The following NAV2 variants were observed in gnomAD, a reference collection of about 807,000 sequenced individuals.
NAV2 encodes the protein helicase, APC down-regulated 1.
Under a neutral mutation model 223.2 loss-of-function variants are expected in NAV2, and 54 were observed. The ratio of observed to expected loss-of-function variants is 0.24; its 90% CI spans 0.19 to 0.30. The LOEUF (loss-of-function observed/expected upper bound fraction) is 0.30. Ranked by LOEUF, NAV2 falls within the 10% of genes least tolerant of loss-of-function variation. The pLI, the probability that NAV2 is intolerant of heterozygous loss-of-function variation, is 1.00. For synonymous variants in NAV2, 1,279 were observed against 1,239.3 expected (o/e 1.03, Z -0.67); for missense variants, 2,806 against 3,147.5 (o/e 0.89, Z 2.60).
At chr11:19,990,969 C>G (rs960115953) in intron 11 of NAV2, among the ~76,000 whole-genome samples, 4 of 152,084 alleles carry the variant, frequency 2.6e-5, no homozygotes, top group Non-Finnish European at 5.9e-5. Context: ...AATTCCAGTC[C>G]TCACTCTCCA....
At chr11:19,644,297 T>C (rs1457322445) in intron 1 of NAV2, among the ~76,000 whole-genome samples, 1 of 152,260 alleles carries the variant, frequency 6.6e-6, no homozygotes, top group Non-Finnish European at 1.5e-5. Context: ...TCCTTGTGTA[T>C]AGCCCCTCTG....
chr11:19,714,642 C>T, intron 1 of NAV2: 2 of 369,016 alleles, frequency 5.4e-6, no homozygotes, highest in South Asian at 2.0e-5. Context: ...CTCAGAATGG[C>T]GGCCGAAGCT....
At chr11:19,402,562 T>A (rs1215719820) in intron 1 of NAV2, among the ~76,000 whole-genome samples, 1 of 152,206 alleles carries the variant, frequency 6.6e-6, no homozygotes, top group African/African-American at 2.4e-5. Context: ...ATTTTTTCAT[T>A]TATTTGTTTG....
At chr11:19,665,900 T>C (rs540014683) in intron 1 of NAV2, among the ~76,000 whole-genome samples, 1 of 152,178 alleles carries the variant, frequency 6.6e-6, no homozygotes, top group Non-Finnish European at 1.5e-5. Flanking sequence ...CACAACATAA[T>C]TTCAAAGAAT....
intron 1 of NAV2, among the ~76,000 whole-genome samples, chr11:19,741,807 A>G (rs954502754): frequency 1.1e-4 from 16 of 151,610 alleles, no homozygotes; most frequent in African/African-American, 3.6e-4. Context: ...TAATGCTGCA[A>G]CAAATAGGGG....
intron 28 of NAV2, 114 bp downstream of exon 28, chr11:20,092,482 G>A (rs1250685276): frequency 1.5e-5 from 17 of 1,100,262 alleles, no homozygotes; most frequent in East Asian, 1.2e-4. Context: ...GGCAACAGGC[G>A]TGTGTGCACT....
intron 1 of NAV2, among the ~76,000 whole-genome samples, chr11:19,675,834 T>G (rs1378939983): frequency 6.6e-6 from 1 of 152,258 alleles, no homozygotes; most frequent in Admixed American, 6.5e-5. Context: ...TCACGAGTTT[T>G]CACAACAGTA....
chr11:19,602,747 C>T (rs2046381324), intron 1 of NAV2, among the ~76,000 whole-genome samples: 1 of 152,172 alleles, frequency 6.6e-6, no homozygotes, highest in South Asian at 2.1e-4. Flanking sequence ...CGCCTGGCCC[C>T]CTCCTCTGTA....
intron 10 of NAV2, among the ~76,000 whole-genome samples, chr11:19,969,415 A>G (rs937278486): frequency 6.6e-6 from 1 of 152,148 alleles, no homozygotes; most frequent in African/African-American, 2.4e-5. Context: ...TATTTGACTT[A>G]TCTCTAAAGC....
chr11:19,778,991 G>A (rs934746731), intron 1 of NAV2, among the ~76,000 whole-genome samples: 1 of 152,198 alleles, frequency 6.6e-6, no homozygotes, highest in Admixed American at 6.5e-5. Context: ...GGAAAACGTG[G>A]AGCCTCCCAG....
chr11:19,609,015 C>T (rs554211623), intron 1 of NAV2, among the ~76,000 whole-genome samples: 3 of 152,322 alleles, frequency 2.0e-5, no homozygotes, highest in Admixed American at 1.3e-4. Context: ...TTTAAGGTCC[C>T]TTGTGATTAC....
At chr11:19,504,079 C>T (rs1268746716) in intron 1 of NAV2, among the ~76,000 whole-genome samples, 1 of 152,186 alleles carries the variant, frequency 6.6e-6, no homozygotes, top group Non-Finnish European at 1.5e-5. Flanking sequence ...CATCATATGT[C>T]ATCAAGCAAA....
intron 32 of NAV2, 25 bp from the exon 33 acceptor site, chr11:20,103,227 TCTC>T: frequency 1.3e-6 from 2 of 1,595,410 alleles, no homozygotes; most frequent in Non-Finnish European, 1.7e-6. Context: ...ACCCACTTGT[TCTC>T]CTTCGGCCTT....
intron 10 of NAV2, among the ~76,000 whole-genome samples, chr11:19,978,134 T>G (rs2153441679): frequency 6.6e-6 from 1 of 151,954 alleles, no homozygotes; most frequent in South Asian, 2.1e-4. Context: ...AAGGTCAGTT[T>G]TTTTTTCAAA....
chr11:19,963,274 A>G (rs1480682066), intron 10 of NAV2, among the ~76,000 whole-genome samples: 1 of 152,188 alleles, frequency 6.6e-6, no homozygotes, highest in Non-Finnish European at 1.5e-5. Context: ...CAGTTTTACA[A>G]TCAAGGGGGC....
intron 1 of NAV2, among the ~76,000 whole-genome samples, chr11:19,548,935 AAGCTATTAAGTAG>A (rs1156572286): frequency 1.3e-5 from 2 of 151,872 alleles, no homozygotes; most frequent in Admixed American, 1.3e-4. Context: ...AAACTTTTCA[AAGCTATTAAGTAG>A]AGGTGATGGA....
At chr11:19,518,764 A>C (rs1478517900) in intron 1 of NAV2, among the ~76,000 whole-genome samples, 10 of 152,196 alleles carry the variant, frequency 6.6e-5, no homozygotes, top group Non-Finnish European at 1.3e-4. Flanking sequence ...TATAACGGTA[A>C]TAATTGCCCT....
chr11:19,630,562 C>T (rs1425261580), intron 1 of NAV2, among the ~76,000 whole-genome samples: 1 of 152,104 alleles, frequency 6.6e-6, no homozygotes, highest in Non-Finnish European at 1.5e-5. Flanking sequence ...TCTGTTTTGT[C>T]TACCATGCTT....
intron 1 of NAV2, chr11:19,503,208 C>T (rs980104186): frequency 6.6e-6 from 1 of 152,142 alleles, no homozygotes; most frequent in East Asian, 1.9e-4. Context: ...CCTATATACC[C>T]CTTGCCCCCC....
Sources: gnomAD v4.1 joint callset for allele counts (sites outside exome capture counted in the v4.1 genomes callset) on GRCh38, gnomAD v4.1.1 for gene constraint, MANE v1.5 for transcripts, NCBI Gene and HGNC (gene_info 2026-07-23, HGNC 2026-07-21) for gene names.